Variants in VAC14 observed in about 807,000 individuals in gnomAD.
VAC14 encodes protein VAC14 homolog.
VAC14 carries 47 observed loss-of-function variants against 85.3 expected under a neutral mutation model. The ratio of observed to expected loss-of-function variants is 0.55; its 90% CI spans 0.44 to 0.70. The LOEUF (loss-of-function observed/expected upper bound fraction) is 0.70. Among genes scored for constraint, VAC14 ranks in the 30% least tolerant of loss-of-function variants. The probability of loss-of-function intolerance (pLI) is 0.00; values close to 1 mark genes in which losing one functional copy is unlikely to be tolerated. For missense variants in VAC14, 861 were observed against 1,004.3 expected (o/e 0.86, Z 1.93); for synonymous variants, 447 against 430.5 (o/e 1.04, Z -0.47).
At chr16:70,795,494 TAAAAAAA>T (rs71153603) in intron 1 of VAC14, among the ~76,000 whole-genome samples, 8 of 91,930 alleles carry the variant, frequency 8.7e-5, no homozygotes, top group African/African-American at 2.1e-4. Context: ...AGACTCTGTC[TAAAAAAA>T]AAAAAAAAAA....
At chr16:70,697,513 T>A (rs1346151986) in intron 15 of VAC14, among the ~76,000 whole-genome samples, 1 of 152,200 alleles carries the variant, frequency 6.6e-6, no homozygotes, top group Non-Finnish European at 1.5e-5. Context: ...GGAGTGGCTG[T>A]CCTTTGTGCT....
At chr16:70,688,453 A>G in intron 18 of VAC14, 1 of 999,926 alleles carries the variant, frequency 1.0e-6, no homozygotes. Context: ...TGGGGCCTGG[A>G]ACAGGGTCTG....
At position 70,726,268 on chromosome 16, in the gene VAC14, C is replaced by T. The variant is rs2054425232; in HGVS notation, c.1661+5227G>A. ...GGAAGGCAACGCACACCAACACCTA[C>T]TCCGGGCAGAGTTGTTTTAGCGGAG... On this transcript the variant is annotated intron_variant, in intron 14 of 18. Coordinates refer to ENST00000261776, the MANE Select transcript of VAC14 (RefSeq NM_018052.5). Among the ~76,000 whole-genome samples the T allele has an allele frequency of 2.6e-5, 4 of 152,274 alleles. No homozygotes were observed. In the South Asian group the frequency reaches 8.3e-4, roughly 31 times the overall value.
At chr16:70,752,307 G>A (rs943560598) in intron 12 of VAC14, among the ~76,000 whole-genome samples, 3 of 152,174 alleles carry the variant, frequency 2.0e-5, no homozygotes, top group Admixed American at 6.5e-5. Flanking sequence ...ACACTCTAGC[G>A]GCCATTCCTC....
chr16:70,735,764 T>C (rs2054731215), intron 13 of VAC14, among the ~76,000 whole-genome samples: 1 of 152,248 alleles, frequency 6.6e-6, no homozygotes, highest in Admixed American at 6.5e-5. Context: ...CTCATTCCAC[T>C]TCTTGTTTGG....
chr16:70,778,204 G>C (rs1233808083), intron 9 of VAC14, among the ~76,000 whole-genome samples: 2 of 152,220 alleles, frequency 1.3e-5, no homozygotes, highest in Non-Finnish European at 2.9e-5. Context: ...TAAAAAGGTA[G>C]ATAGGCTGCA....
Position 70,731,623 on chromosome 16 carries a change from G to A in VAC14, c.1533C>T (p.Thr511=). 1 of 1,613,836 alleles carries A rather than the reference G, an allele frequency of 6.2e-7. No individual in the cohort carries two copies. The highest frequency in any genetic ancestry group is 2.2e-5 in the East Asian group (1 of 44,876). ...TTGAAGGAGAACATTCTAAGCCTTT[G>A]GTACCTGTAGAGAAAGGGATAGAGC... The part of the protein sequence containing the change: ...GRAGLLNTSG[T]KGLECSPSTP... Residue 511 remains threonine, a synonymous_variant, in exon 14 of 19, where the codon ACC becomes ACT. Coordinates refer to ENST00000261776, the MANE Select transcript of VAC14 (RefSeq NM_018052.5).
At chr16:70,727,372 C>T (rs535035203) in intron 14 of VAC14, among the ~76,000 whole-genome samples, 81 of 152,296 alleles carry the variant, frequency 5.3e-4, no homozygotes, top group Middle Eastern at 3.4e-3. Context: ...CGAAGTCTTG[C>T]TCTGTCGCGC....
chr16:70,705,007 C>T (rs1597861219), intron 14 of VAC14, among the ~76,000 whole-genome samples: 1 of 152,370 alleles, frequency 6.6e-6, no homozygotes, highest in East Asian at 1.9e-4. Context: ...CTTCCCCATC[C>T]TCACTGTTGG....
chr16:70,800,683 G>A, intron 1 of VAC14, 114 bp downstream of exon 1: 1 of 840,260 alleles, frequency 1.2e-6, no homozygotes, highest in Non-Finnish European at 1.9e-6. Flanking sequence ...CTGCGCTAAG[G>A]TAAGGGCCTA....
At chr16:70,732,162 T>A (rs1597900983) in intron 13 of VAC14, among the ~76,000 whole-genome samples, 1 of 152,214 alleles carries the variant, frequency 6.6e-6, no homozygotes, top group Non-Finnish European at 1.5e-5. Flanking sequence ...GCTCCTTTCC[T>A]AATCTGACCT....
chr16:70,755,688 G>A (rs1194374634), intron 12 of VAC14, among the ~76,000 whole-genome samples: 1 of 152,188 alleles, frequency 6.6e-6, no homozygotes. Context: ...CCACTGATAC[G>A]AGGGGTTGAC....
chr16:70,755,747 G>C (rs941306235), intron 12 of VAC14, among the ~76,000 whole-genome samples: 2 of 152,220 alleles, frequency 1.3e-5, no homozygotes. Flanking sequence ...GGGTGGTGGA[G>C]GGGCCGTCAT....
intron 14 of VAC14, among the ~76,000 whole-genome samples, chr16:70,726,407 C>T (rs2143000234): frequency 6.6e-6 from 1 of 152,336 alleles, no homozygotes; most frequent in South Asian, 2.1e-4. Context: ...GGTGTGGTTC[C>T]CCCTCCACAG....
Position 70,800,761 on chromosome 16 carries a change from G to A in VAC14, c.104+36C>T, listed in dbSNP as rs2034760067. On this transcript the variant is annotated intron_variant, in intron 1 of 18. Coordinates refer to ENST00000261776, the MANE Select transcript of VAC14 (RefSeq NM_018052.5). ...CCCCTGGGGAGCAGAGCAGTCAGGG[G>A]CTGCATAGCCAGGGAGGGGTCCTGG... 2.5e-6 allele frequency: 4 copies of A among 1,573,952 alleles called. No individual in the cohort carries two copies. In the East Asian group the frequency reaches 9.1e-5, roughly 36 times the overall value.
At chr16:70,797,911 G>A (rs1055946442) in intron 1 of VAC14, among the ~76,000 whole-genome samples, 7 of 152,272 alleles carry the variant, frequency 4.6e-5, no homozygotes, top group Non-Finnish European at 1.0e-4. Context: ...CTGAGGCCCC[G>A]CCAGAAGCAG....
At chr16:70,778,430 T>C (rs2033634989) in intron 9 of VAC14, 1 of 152,194 alleles carries the variant, frequency 6.6e-6, no homozygotes, top group Non-Finnish European at 1.5e-5. Flanking sequence ...GACTTTTTTT[T>C]TTTTAAATTG....
chr16:70,768,990 A>G (rs937530710), intron 10 of VAC14: 26 of 265,850 alleles, frequency 9.8e-5, no homozygotes, highest in Admixed American at 8.5e-4. Context: ...TTTAATTTTT[A>G]TTTTTAGTAG....
At chr16:70,755,963 T>G (rs2031812502) in intron 12 of VAC14, 1 of 455,600 alleles carries the variant, frequency 2.2e-6, no homozygotes, top group South Asian at 1.6e-5. Context: ...TTCCCCCAGG[T>G]GGGACCCCAG....
Sources: gnomAD v4.1 joint callset for allele counts (sites outside exome capture counted in the v4.1 genomes callset) on GRCh38, gnomAD v4.1.1 for gene constraint, MANE v1.5 for transcripts, NCBI Gene and HGNC (gene_info 2026-07-23, HGNC 2026-07-21) for gene names.